The following KCNQ5 variants were observed in gnomAD, a reference collection of about 807,000 sequenced individuals.
The protein encoded by KCNQ5 is potassium voltage-gated channel subfamily KQT member 5.
Under a neutral mutation model 98.2 loss-of-function variants are expected in KCNQ5, and 30 were observed. The ratio of observed to expected loss-of-function variants is 0.31; its 90% CI spans 0.23 to 0.41. The LOEUF is 0.41. Ranked by LOEUF, KCNQ5 falls within the 10% of genes least tolerant of loss-of-function variation. The pLI is 1.00. For synonymous variants in KCNQ5, 458 were observed against 449.4 expected, an observed-to-expected ratio of 1.02 and a Z score of -0.24; for missense variants, 835 against 1,182.5, an observed-to-expected ratio of 0.71 and a Z score of 4.31.
At chr6:73,186,639 T>C (rs759111762) in intron 11 of KCNQ5, among the ~76,000 whole-genome samples, 7 of 151,562 alleles carry the variant, frequency 4.6e-5, no homozygotes, top group Non-Finnish European at 8.8e-5. Flanking sequence ...GCAATAGATG[T>C]GAACAACTCA....
chr6:73,004,111 G>T lies in KCNQ5; in HGVS notation c.489+113G>T, dbSNP rs2150323269. The T allele has an allele frequency of 5.0e-6, 3 of 600,268 alleles. No homozygotes were observed. The African/African-American group carries it at 5.5e-5, about 11-fold the overall frequency. 37.2% of individuals were successfully genotyped at this position (600,268 alleles called of 1,614,324 possible). Reference sequence around the variant, plus strand: ...ATCCTATCTAAAAAAGAGTTACTGAGAAATATAAAAATGTCAAAGATTACT... The same window carrying T: ...ATCCTATCTAAAAAAGAGTTACTGATAAATATAAAAATGTCAAAGATTACT... On this transcript the variant is annotated intron_variant, in intron 2 of 13. Coordinates refer to ENST00000370398, the MANE Select transcript of KCNQ5 (RefSeq NM_019842.4).
intron 1 of KCNQ5, among the ~76,000 whole-genome samples, chr6:72,945,516 G>T (rs1342521686): frequency 1.3e-5 from 2 of 149,574 alleles, no homozygotes; most frequent in Non-Finnish European, 3.0e-5. Context: ...GTGCAGTGGT[G>T]CAATCTTGGC....
At chr6:72,933,208 A>G (rs1187655799) in intron 1 of KCNQ5, among the ~76,000 whole-genome samples, 1 of 152,350 alleles carries the variant, frequency 6.6e-6, no homozygotes, top group East Asian at 1.9e-4. Flanking sequence ...TACCATGTTA[A>G]GGATTTAAAA....
At chr6:72,826,910 G>C (rs1185099583) in intron 1 of KCNQ5, among the ~76,000 whole-genome samples, 1 of 151,882 alleles carries the variant, frequency 6.6e-6, no homozygotes, top group African/African-American at 2.4e-5. Context: ...AGTTTCCTCT[G>C]TTCTACTTTA....
At chr6:72,960,496 C>T (rs1222865073) in intron 1 of KCNQ5, among the ~76,000 whole-genome samples, 1 of 152,116 alleles carries the variant, frequency 6.6e-6, no homozygotes, top group Non-Finnish European at 1.5e-5. Flanking sequence ...ATGGGGCGAT[C>T]TCGGCTCACT....
At chr6:72,664,791 G>A (rs1037302379) in intron 1 of KCNQ5, among the ~76,000 whole-genome samples, 2 of 152,156 alleles carry the variant, frequency 1.3e-5, no homozygotes, top group Admixed American at 1.3e-4. Flanking sequence ...TCGAGGTAAG[G>A]CCATCACTCA....
chr6:72,804,764 T>C (rs1169454089), intron 1 of KCNQ5, among the ~76,000 whole-genome samples: 1 of 152,176 alleles, frequency 6.6e-6, no homozygotes, highest in Non-Finnish European at 1.5e-5. Flanking sequence ...ATTGTACTGA[T>C]TTGTATTCCC....
intron 13 of KCNQ5, 52 bp from the exon 14 acceptor site, chr6:73,194,400 C>T: frequency 3.3e-6 from 5 of 1,508,514 alleles, no homozygotes; most frequent in African/African-American, 1.4e-5. Flanking sequence ...AAAATGAAGT[C>T]CATTCTTAAT....
At chr6:73,113,523 A>G (rs1031871355) in intron 7 of KCNQ5, among the ~76,000 whole-genome samples, 2 of 152,244 alleles carry the variant, frequency 1.3e-5, no homozygotes, top group Admixed American at 6.5e-5. Context: ...AAGTTTGCCA[A>G]TGGCACTAGC....
chr6:72,837,913 T>A (rs1582387589), intron 1 of KCNQ5, among the ~76,000 whole-genome samples: 1 of 152,162 alleles, frequency 6.6e-6, no homozygotes, highest in East Asian at 1.9e-4. Context: ...TGATAGTATA[T>A]GTTATGGACA....
At chr6:73,173,947 A>G (rs72948806) in intron 11 of KCNQ5, among the ~76,000 whole-genome samples, 7,959 of 152,296 alleles carry the variant, frequency 0.052, 249 homozygotes, top group Middle Eastern at 0.089. Context: ...ATGCACACCA[A>G]TGCAACGTAT....
intron 10 of KCNQ5, among the ~76,000 whole-genome samples, chr6:73,139,251 C>T (rs1400630015): frequency 6.6e-6 from 1 of 152,156 alleles, no homozygotes; most frequent in African/African-American, 2.4e-5. Context: ...ATCCTCATGC[C>T]TAAAACAATC....
intron 7 of KCNQ5, among the ~76,000 whole-genome samples, chr6:73,114,014 G>A (rs1364766955): frequency 6.6e-6 from 1 of 152,046 alleles, no homozygotes; most frequent in South Asian, 2.1e-4. Flanking sequence ...TCTAATCATA[G>A]TTTCATTAAT....
At chr6:72,888,877 G>C (rs1778949875) in intron 1 of KCNQ5, among the ~76,000 whole-genome samples, 3 of 152,000 alleles carry the variant, frequency 2.0e-5, no homozygotes, top group Admixed American at 2.0e-4. Flanking sequence ...TAGGCACTGG[G>C]GATACAGCAG....
At chr6:72,688,939 G>C (rs1032068235) in intron 1 of KCNQ5, among the ~76,000 whole-genome samples, 3 of 152,062 alleles carry the variant, frequency 2.0e-5, no homozygotes, top group African/African-American at 2.4e-5. Flanking sequence ...TGTCAAAACA[G>C]AGCACATGTT....
rs75096775 is a variant in KCNQ5, at chr6:72,858,788, T to G, written c.399-145120T>G. Among the ~76,000 whole-genome samples the G allele has an allele frequency of 4.3e-4, 66 of 152,228 alleles. 1 individual carries two copies. In the East Asian group the frequency reaches 6.9e-3, roughly 16 times the overall value. On this transcript the variant is annotated intron_variant, in intron 1 of 13. Transcript: ENST00000370398. ...GTGGTGGTGGTTATAAATCTATGCA[T>G]GTAATAAAATTTCATAAAATTATGC...
Position 72,941,327 on chromosome 6 carries a change from T to C in KCNQ5, c.399-62581T>C, listed in dbSNP as rs578019729. ...TTCCTTCCTTCCTTCCTTCTTTCCT[T>C]CCTTCCTTCCTTCCTTTCTTCCTTC... On this transcript the variant is annotated intron_variant, in intron 1 of 13. Transcript: ENST00000370398. Among the ~76,000 whole-genome samples, 11 of 41,862 alleles carry C rather than the reference T, an allele frequency of 2.6e-4. No homozygotes were observed. In the South Asian group the frequency reaches 0.017, roughly 65 times the overall value. The allele number at this position is 41,862 out of a possible 152,430, so 27.5% of individuals were successfully genotyped here.
intron 1 of KCNQ5, among the ~76,000 whole-genome samples, chr6:72,852,163 C>T (rs958826011): frequency 5.3e-5 from 8 of 151,996 alleles, no homozygotes; most frequent in South Asian, 4.2e-4. Flanking sequence ...GTAAATGGGA[C>T]ATATTTCATG....
rs1267336475 is a variant in KCNQ5 at position 73,197,974 on chromosome 6, CA to C, written c.*2561del. 6.6e-6 allele frequency: 1 copy of C among 152,186 alleles called. No homozygotes were observed. The allele number at this position is 152,186 out of a possible 1,614,324, so 9.4% of individuals were successfully genotyped here. ...AACTTTTATACATTGAAGCCATGAC[CA>C]TTTTGTGTCTATCTTACTCTAGCAC... On this transcript the variant is annotated 3_prime_UTR_variant, in exon 14 of 14. Transcript: ENST00000370398.
Sources: gnomAD v4.1 joint callset for allele counts (sites outside exome capture counted in the v4.1 genomes callset) on GRCh38, gnomAD v4.1.1 for gene constraint, MANE v1.5 for transcripts, NCBI Gene and HGNC (gene_info 2026-07-23, HGNC 2026-07-21) for gene names.